Variants in ASAP2 observed in about 807,000 individuals in gnomAD.
The protein encoded by ASAP2 is arf-GAP with SH3 domain, ANK repeat and PH domain-containing protein 2.
A neutral mutation model predicts 131.4 loss-of-function variants in ASAP2; 45 were observed. The ratio of observed to expected loss-of-function variants is 0.34; its 90% confidence interval spans 0.27 to 0.44. The LOEUF is 0.44. Ranked by LOEUF, ASAP2 falls within the 20% of genes least tolerant of loss-of-function variation. ASAP2 has a pLI of 1.00. For synonymous variants in ASAP2, 510 were observed against 503.0 expected (o/e 1.01, Z -0.19); for missense variants, 1,011 against 1,297.0 (o/e 0.78, Z 3.39).
At position 9,281,783 on chromosome 2, in the gene ASAP2, C is replaced by A. The variant is rs920472969; in HGVS notation, c.199+2394C>A. On this transcript the variant is annotated intron_variant, in intron 2 of 27. Transcript: ENST00000281419. This position sits in a 1 kb window ranked among gnomAD's most constrained non-coding sequence, Gnocchi z 4.0. The stretch of plus-strand genomic sequence containing the variant: ...AGTGGTTATCGTTCTTAACCCTTTC[C>A]CAATTCATCTGTCGATGAAACTGTC... Among the ~76,000 whole-genome samples, 3 of 152,108 alleles carry A rather than the reference C, an allele frequency of 2.0e-5. No individual in the cohort carries two copies. Among genetic ancestry groups the A allele is most frequent in the Admixed American group, 6.5e-5 (1 of 15,274 alleles).
chr2:9,297,561 C>A, intron 3 of ASAP2, 116 bp downstream of exon 3: 1 of 1,251,592 alleles, frequency 8.0e-7, no homozygotes, highest in Non-Finnish European at 1.1e-6. Context: ...TCCTTGGGTA[C>A]CCAAAAGAAT....
At chr2:9,246,442 A>T (rs553334712) in intron 1 of ASAP2, among the ~76,000 whole-genome samples, 150 of 152,212 alleles carry the variant, frequency 9.9e-4, no homozygotes, top group African/African-American at 3.6e-3. Context: ...GTGCGCTAAC[A>T]TGCCTGGCTA....
chr2:9,317,444 T>A (rs111206549), intron 3 of ASAP2, among the ~76,000 whole-genome samples: 168 of 3,306 alleles, frequency 0.051, no homozygotes, highest in Admixed American at 0.075. Flanking sequence ...ACTCACATTC[T>A]CACACACACA....
At chr2:9,212,554 G>C (rs1422030825) in intron 1 of ASAP2, among the ~76,000 whole-genome samples, 1 of 152,246 alleles carries the variant, frequency 6.6e-6, no homozygotes, top group South Asian at 2.1e-4. Context: ...ACAGTCACCT[G>C]GTCTCTAGAG....
intron 2 of ASAP2, among the ~76,000 whole-genome samples, chr2:9,284,095 A>G (rs1667310595): frequency 6.6e-6 from 1 of 152,204 alleles, no homozygotes; most frequent in South Asian, 2.1e-4. Context: ...CCCCATCTCA[A>G]GTTCAGCTGA....
chr2:9,310,872 G>A (rs1558318656), intron 3 of ASAP2, among the ~76,000 whole-genome samples: 1 of 152,194 alleles, frequency 6.6e-6, no homozygotes, highest in Non-Finnish European at 1.5e-5. Flanking sequence ...GTGCCTTCTG[G>A]CCTATCTTTG....
At position 9,275,106 on chromosome 2, in the gene ASAP2, A is replaced by G. The variant is rs1666674955; in HGVS notation, c.127-4211A>G. 1.4e-4 allele frequency among the ~76,000 whole-genome samples: 20 copies of G among 145,372 alleles called. No individual in the cohort carries two copies. The South Asian group carries it at 4.4e-3, about 32-fold the overall frequency. On this transcript the variant is annotated intron_variant, in intron 1 of 27. Coordinates refer to ENST00000281419, the MANE Select transcript of ASAP2 (RefSeq NM_003887.3). ...TGTTTTTTTTTTTTTTTTAAGAGAC[A>G]GGGTCTGTCTGTCACCCAGGCTATA...
At chr2:9,280,754 T>C (rs1438946955) in intron 2 of ASAP2, among the ~76,000 whole-genome samples, 1 of 152,242 alleles carries the variant, frequency 6.6e-6, no homozygotes, top group Non-Finnish European at 1.5e-5. Context: ...GCCATCCGTC[T>C]CTAGCTTTTT....
chr2:9,400,938 C>A, intron 26 of ASAP2, 108 bp downstream of exon 26: 10 of 1,153,438 alleles, frequency 8.7e-6, no homozygotes, highest in East Asian at 2.5e-5. Context: ...CTGGCTGGGG[C>A]AGGGCGGGGC....
intron 5 of ASAP2, 43 bp downstream of exon 5, chr2:9,320,380 A>T (rs1162928279): frequency 5.3e-6 from 8 of 1,521,438 alleles, no homozygotes; most frequent in Non-Finnish European, 7.3e-6. Context: ...GTAATTTGGG[A>T]TTTCAAATTT....
intron 11 of ASAP2, among the ~76,000 whole-genome samples, chr2:9,346,394 C>T (rs1671965822): frequency 6.6e-6 from 1 of 151,346 alleles, no homozygotes; most frequent in African/African-American, 2.4e-5. Flanking sequence ...CGATATCACG[C>T]CACTGCACTC....
At chr2:9,224,134 A>G (rs1662605579) in intron 1 of ASAP2, among the ~76,000 whole-genome samples, 1 of 152,228 alleles carries the variant, frequency 6.6e-6, no homozygotes, top group Non-Finnish European at 1.5e-5. Flanking sequence ...TTTCTGGGAC[A>G]CGTAGCCTAA....
chr2:9,378,309 G>A (rs1674559141), intron 18 of ASAP2, among the ~76,000 whole-genome samples: 1 of 152,160 alleles, frequency 6.6e-6, no homozygotes, highest in South Asian at 2.1e-4. Flanking sequence ...CCAAGCCTGA[G>A]CACCTTTTGT....
chr2:9,376,538 G>T (rs551132216), intron 17 of ASAP2, among the ~76,000 whole-genome samples: 153 of 152,372 alleles, frequency 1.0e-3, no homozygotes, highest in Non-Finnish European at 1.8e-3. Flanking sequence ...CAGGTAAAGA[G>T]ATTGGATTGT....
intron 14 of ASAP2, among the ~76,000 whole-genome samples, chr2:9,357,707 C>T (rs1033507875): frequency 5.9e-5 from 9 of 152,114 alleles, no homozygotes; most frequent in Non-Finnish European, 1.3e-4. Flanking sequence ...ATGCTTGTAC[C>T]TCCGCAAAGC....
intron 18 of ASAP2, among the ~76,000 whole-genome samples, chr2:9,378,598 G>A (rs1008118578): frequency 1.3e-5 from 2 of 152,212 alleles, no homozygotes; most frequent in Admixed American, 6.5e-5. Context: ...CAGCCTCGGC[G>A]CAGCCAGTGG....
intron 1 of ASAP2, among the ~76,000 whole-genome samples, chr2:9,267,169 G>A (rs996466413): frequency 2.0e-5 from 3 of 151,630 alleles, no homozygotes; most frequent in East Asian, 1.9e-4. Context: ...ATTTTAGATC[G>A]GGGGGTACAT....
Position 9,271,330 on chromosome 2 carries a change from C to G in ASAP2, c.127-7987C>G. On this transcript the variant is annotated intron_variant, in intron 1 of 27. Coordinates refer to ENST00000281419, the MANE Select transcript of ASAP2 (RefSeq NM_003887.3). ...GCTGATCGTCCTTAGCCAGTCCAAGCTCTACGAGGAACTGGCATAATATAT... is the reference window on the plus strand; with the variant it reads ...GCTGATCGTCCTTAGCCAGTCCAAGGTCTACGAGGAACTGGCATAATATAT... 4.9e-6 allele frequency: 5 copies of G among 1,030,340 alleles called. No homozygotes were observed. In the South Asian group the frequency reaches 6.5e-5, roughly 13 times the overall value. The allele number at this position is 1,030,340 out of a possible 1,614,324, so 63.8% of individuals were successfully genotyped here. A position where few individuals can be genotyped will look rare whatever the true frequency, so the allele number is the denominator to read the frequency against.
chr2:9,243,257 C>T (rs1331506360), intron 1 of ASAP2, among the ~76,000 whole-genome samples: 1 of 152,088 alleles, frequency 6.6e-6, no homozygotes, highest in Non-Finnish European at 1.5e-5. Context: ...TACAGGCACC[C>T]GCCACCACGC....
Sources: allele counts gnomAD v4.1 joint callset (sites outside exome capture counted in the v4.1 genomes callset), GRCh38; gene constraint gnomAD v4.1.1; non-coding constraint Gnocchi (gnomAD v3.1); transcripts MANE v1.5; gene names NCBI Gene and HGNC (gene_info 2026-07-23, HGNC 2026-07-21).